CNN3: variants seen among roughly 807,000 people sequenced by gnomAD.
CNN3 encodes the protein calponin 3.
In CNN3, 11 loss-of-function variants were observed where a neutral mutation model predicts 39.0. The ratio of observed to expected loss-of-function variants is 0.28; its 90% confidence interval spans 0.18 to 0.47. CNN3 has a LOEUF of 0.47. Among genes scored for constraint, CNN3 ranks in the 20% least tolerant of loss-of-function variants. The pLI is 0.99. For missense variants in CNN3, 266 were observed against 403.4 expected (o/e 0.66, Z 2.92); for synonymous variants, 101 against 138.3 (o/e 0.73, Z 1.89).
intron 1 of CNN3, among the ~76,000 whole-genome samples, chr1:94,904,501 G>A (rs1670946734): frequency 6.6e-6 from 1 of 152,110 alleles, no homozygotes; most frequent in African/African-American, 2.4e-5. Flanking sequence ...TGTAATCTCG[G>A]CACTTTGGGA....
chr1:94,916,899 G>T (rs548374532), intron 1 of CNN3, among the ~76,000 whole-genome samples: 29 of 152,092 alleles, frequency 1.9e-4, no homozygotes, highest in Non-Finnish European at 3.5e-4. Context: ...TGCTTTGCTG[G>T]CCATTCCAAT....
At position 94,927,077 on chromosome 1, in the gene CNN3, C is replaced by T. The variant is rs1181419734; in HGVS notation, c.-183G>A. On this transcript the variant is annotated 5_prime_UTR_variant, in exon 1 of 7. Coordinates refer to ENST00000370206, the MANE Select transcript of CNN3 (RefSeq NM_001839.5). Reference sequence around the variant, plus strand: ...GGCGACTGGGTCCAACTGGGTGCTACAGAGCCTCGAGCTCCGCTGCGAAGC... The same window carrying T: ...GGCGACTGGGTCCAACTGGGTGCTATAGAGCCTCGAGCTCCGCTGCGAAGC... 3.5e-6 allele frequency: 2 copies of T among 573,408 alleles called. No homozygotes were observed. Among genetic ancestry groups the T allele is most frequent in the African/African-American group, 2.0e-5 (1 of 49,928 alleles). 35.5% of individuals were successfully genotyped at this position (573,408 alleles called of 1,614,324 possible). A position where few individuals can be genotyped will look rare whatever the true frequency, so the allele number is the denominator to read the frequency against.
In CNN3 at chr1:94,898,030, T is replaced by C. The variant is rs1231177811; in HGVS notation, c.702A>G (p.Thr234=). The change falls in exon 7 of 7, where the codon ACA becomes ACG. Residue 234 remains threonine, a synonymous_variant. Coordinates refer to ENST00000370206, the MANE Select transcript of CNN3 (RefSeq NM_001839.5). ...TTGTCGAGTTGTCCACCGGCTGTAA[T>C]GTTAGCTTCTGATCATAGATGTCTC... ...TRRDIYDQKL[T]LQPVDNSTIS... The C allele has an allele frequency of 1.2e-6, 2 of 1,614,120 alleles. No individual in the cohort carries two copies. The highest frequency in any genetic ancestry group is 3.3e-5 in the Admixed American group (2 of 60,024).
intron 3 of CNN3, 111 bp downstream of exon 3, chr1:94,903,011 A>G: frequency 1.2e-6 from 1 of 801,638 alleles, no homozygotes; most frequent in East Asian, 2.9e-5. Context: ...AACCGTAATC[A>G]AAAAGTTAAA....
intron 2 of CNN3, 72 bp from the exon 3 acceptor site, chr1:94,903,260 C>T: frequency 6.3e-7 from 1 of 1,578,490 alleles, no homozygotes; most frequent in Non-Finnish European, 8.6e-7. Context: ...TCAAGTTGCT[C>T]CCTTTAGCAT....
In CNN3 at chr1:94,922,348, ACTT is replaced by A. The variant is rs564989156; in HGVS notation, c.57+4487_57+4489del. On this transcript the variant is annotated intron_variant, in intron 1 of 6. Transcript: ENST00000370206. ...ATTTAGACTACAGAGTTAATTTCTA[ACTT>A]CTTATGTCTAGAGATAGCAAAATCT... Among the ~76,000 whole-genome samples the A allele has an allele frequency of 2.0e-3, 311 of 152,344 alleles. 2 individuals carry two copies. The highest frequency in any genetic ancestry group is 6.9e-3 in the African/African-American group (288 of 41,582).
In CNN3 at chr1:94,923,165, A is replaced by G. The variant is rs998184147; in HGVS notation, c.57+3673T>C. 2.2e-4 allele frequency among the ~76,000 whole-genome samples: 33 copies of G among 152,002 alleles called. 1 individual carries two copies. The highest frequency in any genetic ancestry group is 7.7e-4 in the African/African-American group (32 of 41,432). ...CCAACTTTACGGGAAACTACCCCCA[A>G]CTCCAACATTTTGCCAGGAAATACT... On this transcript the variant is annotated intron_variant, in intron 1 of 6. Coordinates refer to ENST00000370206, the MANE Select transcript of CNN3 (RefSeq NM_001839.5).
rs375439592 is a variant in CNN3 at position 94,897,708 on chromosome 1, A to G, written c.*34T>C. On this transcript the variant is annotated 3_prime_UTR_variant, in exon 7 of 7. Transcript: ENST00000370206. The stretch of plus-strand genomic sequence containing the variant: ...AGCTTGGTTCTCACTGAATAAAAAC[A>G]AAGGACTAAATACTGAGCTCCTTCT... 6.4e-7 allele frequency: 1 copy of G among 1,571,798 alleles called. No individual in the cohort carries two copies. Among genetic ancestry groups the G allele is most frequent in the Non-Finnish European group, 8.7e-7 (1 of 1,149,642 alleles).
intron 5 of CNN3, among the ~76,000 whole-genome samples, chr1:94,900,525 C>T (rs1670835848): frequency 6.6e-6 from 1 of 152,140 alleles, no homozygotes. Flanking sequence ...TATAATTTTA[C>T]ATTACACTTT....
chr1:94,902,073 C>T (rs1557908202), intron 4 of CNN3, 48 bp downstream of exon 4: 1 of 1,522,034 alleles, frequency 6.6e-7, no homozygotes. Flanking sequence ...CAATTCATCA[C>T]CAATGTGGTG....
At position 94,901,353 on chromosome 1, in the gene CNN3, C is replaced by CA. The variant is rs1214598163; in HGVS notation, c.501+315dup. Reference sequence around the variant, plus strand: ...TGGGCAAAAGAGTGAGACTCTGTCTCAAAAAAAAAAAGATAAAATAAAAAA... The same window carrying CA: ...TGGGCAAAAGAGTGAGACTCTGTCTCAAAAAAAAAAAAGATAAAATAAAAAA... On this transcript the variant is annotated intron_variant, in intron 5 of 6. Transcript: ENST00000370206. Among the ~76,000 whole-genome samples the CA allele has an allele frequency of 1.5e-3, 131 of 88,626 alleles. 1 individual carries two copies. The highest frequency in any genetic ancestry group is 1.4e-3 in the South Asian group (4 of 2,792). 58.1% of individuals were successfully genotyped at this position (88,626 alleles called of 152,430 possible).
intron 1 of CNN3, among the ~76,000 whole-genome samples, chr1:94,908,572 G>A (rs12747335): frequency 0.075 from 11,438 of 152,120 alleles, 518 homozygotes; most frequent in Middle Eastern, 0.099. Flanking sequence ...ACGGAGTCTC[G>A]CTCTGTCACC....
chr1:94,921,926 C>T (rs368184575), intron 1 of CNN3, among the ~76,000 whole-genome samples: 3 of 152,186 alleles, frequency 2.0e-5, no homozygotes, highest in South Asian at 2.1e-4. Context: ...AGCAAAGTCC[C>T]TGGCTGAATG....
At chr1:94,920,887 C>T (rs1671425097) in intron 1 of CNN3, among the ~76,000 whole-genome samples, 1 of 152,160 alleles carries the variant, frequency 6.6e-6, no homozygotes, top group Non-Finnish European at 1.5e-5. Context: ...CCTGGATCTA[C>T]CTATGAGTTC....
intron 5 of CNN3, among the ~76,000 whole-genome samples, 198 bp downstream of exon 5, chr1:94,901,471 A>C (rs996587279): frequency 6.6e-6 from 1 of 151,802 alleles, no homozygotes; most frequent in African/African-American, 2.4e-5. Flanking sequence ...TTGTCAAGTC[A>C]GGTGGCATAC....
chr1:94,922,646 C>A (rs1480169730), intron 1 of CNN3, among the ~76,000 whole-genome samples: 1 of 152,216 alleles, frequency 6.6e-6, no homozygotes, highest in African/African-American at 2.4e-5. Context: ...CAAGACAAGG[C>A]AAACCACCCT....
chr1:94,910,834 A>G (rs1009928341), intron 1 of CNN3, among the ~76,000 whole-genome samples: 2 of 152,152 alleles, frequency 1.3e-5, no homozygotes, highest in African/African-American at 4.8e-5. Context: ...AGAGCATTCT[A>G]TTAACCAAAC....
At chr1:94,901,160 C>G (rs536883035) in intron 5 of CNN3, among the ~76,000 whole-genome samples, 1 of 152,126 alleles carries the variant, frequency 6.6e-6, no homozygotes, top group East Asian at 1.9e-4. Context: ...TCAAGACCAG[C>G]CTGGCCAACA....
At chr1:94,907,839 A>T (rs565322064) in intron 1 of CNN3, among the ~76,000 whole-genome samples, 2 of 152,362 alleles carry the variant, frequency 1.3e-5, no homozygotes, top group East Asian at 1.9e-4. Flanking sequence ...CAGCCTGGGC[A>T]ACAGAGCAAG....
Sources: gnomAD v4.1 joint callset for allele counts (sites outside exome capture counted in the v4.1 genomes callset) on GRCh38, gnomAD v4.1.1 for gene constraint, MANE v1.5 for transcripts, NCBI Gene and HGNC (gene_info 2026-07-23, HGNC 2026-07-21) for gene names.